Variants in MMP16 observed in about 807,000 individuals in gnomAD.
The protein encoded by MMP16 is matrix metallopeptidase 16, also known as matrix metalloproteinase-16.
Under a neutral mutation model 67.8 loss-of-function variants are expected in MMP16, and 12 were observed. That is an observed-to-expected ratio of 0.18 (90% CI 0.11 to 0.29). The LOEUF (loss-of-function observed/expected upper bound fraction) is 0.29, where lower values mean the gene tolerates loss of function less well. Ranked by LOEUF, MMP16 falls within the 10% of genes least tolerant of loss-of-function variation. The probability of loss-of-function intolerance (pLI) is 1.00; values close to 1 mark genes in which losing one functional copy is unlikely to be tolerated. For missense variants in MMP16, 475 were observed against 765.7 expected, an observed-to-expected ratio of 0.62 and a Z score of 4.48; for synonymous variants, 249 against 255.9, an observed-to-expected ratio of 0.97 and a Z score of 0.26.
chr8:88,044,066 A>G (rs2118192615), intron 9 of MMP16, among the ~76,000 whole-genome samples: 1 of 152,358 alleles, frequency 6.6e-6, no homozygotes, highest in East Asian at 1.9e-4. Flanking sequence ...CTATTTACAT[A>G]CAACACAGTT....
chr8:88,321,495 G>A (rs572518279), intron 1 of MMP16, among the ~76,000 whole-genome samples: 9 of 151,942 alleles, frequency 5.9e-5, no homozygotes, highest in Non-Finnish European at 1.0e-4. Flanking sequence ...TTAAAATTAC[G>A]TATCATTTGC....
chr8:88,053,961 T>G (rs1173463284), intron 8 of MMP16, among the ~76,000 whole-genome samples: 2 of 152,174 alleles, frequency 1.3e-5, no homozygotes, highest in African/African-American at 4.8e-5. Flanking sequence ...GTAAATGATC[T>G]AAAAAACCCT....
intron 8 of MMP16, among the ~76,000 whole-genome samples, chr8:88,053,383 A>G (rs1273814033): frequency 6.6e-6 from 1 of 152,198 alleles, no homozygotes; most frequent in Non-Finnish European, 1.5e-5. Context: ...ACCTTACCGC[A>G]GTACTCATCA....
At chr8:88,083,272 C>T (rs1362702118) in intron 6 of MMP16, among the ~76,000 whole-genome samples, 1 of 151,842 alleles carries the variant, frequency 6.6e-6, no homozygotes, top group Admixed American at 6.6e-5. Flanking sequence ...ATTTTGTTGG[C>T]TCAAAAGACA....
At chr8:88,102,527 A>G (rs12678400) in intron 6 of MMP16, among the ~76,000 whole-genome samples, 12,945 of 151,644 alleles carry the variant, frequency 0.085, 692 homozygotes, top group East Asian at 0.19. Context: ...TTTGGTTTTT[A>G]TGGTGGCTTC....
intron 1 of MMP16, among the ~76,000 whole-genome samples, chr8:88,308,575 A>C (rs550955954): frequency 6.6e-6 from 1 of 152,196 alleles, no homozygotes; most frequent in East Asian, 1.9e-4. Flanking sequence ...ATTACTCAAT[A>C]CATAGTGTTG....
chr8:88,320,044 C>T (rs974127122), intron 1 of MMP16, among the ~76,000 whole-genome samples: 1 of 152,116 alleles, frequency 6.6e-6, no homozygotes, highest in Admixed American at 6.5e-5. Context: ...TTAGCAAGTG[C>T]CTTTGTTATC....
intron 6 of MMP16, among the ~76,000 whole-genome samples, chr8:88,076,880 G>A (rs1808660180): frequency 6.6e-6 from 1 of 152,096 alleles, no homozygotes; most frequent in Non-Finnish European, 1.5e-5. Flanking sequence ...GCTGAAGAAT[G>A]GGAGGAAATC....
chr8:88,046,633 C>A, intron 9 of MMP16, 36 bp downstream of exon 9: 1 of 1,382,946 alleles, frequency 7.2e-7, no homozygotes, highest in Non-Finnish European at 1.0e-6. Flanking sequence ...ACTAAGATAG[C>A]AAACTTATGA....
intron 7 of MMP16, chr8:88,069,359 G>A (rs1326042525): frequency 4.6e-6 from 2 of 432,016 alleles, no homozygotes; most frequent in South Asian, 1.8e-5. Context: ...TTCAATTCCT[G>A]ATTGTTCTTT....
chr8:88,300,785 A>T (rs1811085424), intron 1 of MMP16, among the ~76,000 whole-genome samples: 1 of 152,150 alleles, frequency 6.6e-6, no homozygotes, highest in South Asian at 2.1e-4. Context: ...AAAGAGAGAG[A>T]ATCGGAAAGT....
intron 1 of MMP16, among the ~76,000 whole-genome samples, chr8:88,275,176 A>T (rs1291158543): frequency 6.6e-6 from 1 of 152,024 alleles, no homozygotes; most frequent in Non-Finnish European, 1.5e-5. Context: ...ATCAAATTGC[A>T]GCTTTATCTT....
chr8:88,202,720 TG>T (rs1391578894), intron 1 of MMP16, among the ~76,000 whole-genome samples: 1 of 152,050 alleles, frequency 6.6e-6, no homozygotes, highest in Non-Finnish European at 1.5e-5. Flanking sequence ...TAACAAAGCA[TG>T]TATATGATAC....
intron 4 of MMP16, among the ~76,000 whole-genome samples, chr8:88,139,869 T>G (rs1808182871): frequency 6.6e-6 from 1 of 152,186 alleles, no homozygotes; most frequent in Admixed American, 6.6e-5. Context: ...CTAGGTAATT[T>G]AAGTTCCTAT....
At chr8:88,157,993 A>G (rs774315562) in intron 4 of MMP16, among the ~76,000 whole-genome samples, 3 of 152,146 alleles carry the variant, frequency 2.0e-5, no homozygotes, top group Non-Finnish European at 4.4e-5. Flanking sequence ...CCTACAAAGG[A>G]CATGAACTCA....
intron 4 of MMP16, among the ~76,000 whole-genome samples, chr8:88,164,153 GA>G (rs1051044612): frequency 4.6e-5 from 7 of 152,042 alleles, no homozygotes; most frequent in African/African-American, 7.2e-5. Context: ...ATGTGCTGTG[GA>G]AAATGTGCTG....
At chr8:88,094,392 T>C (rs1808990187) in intron 6 of MMP16, among the ~76,000 whole-genome samples, 1 of 151,742 alleles carries the variant, frequency 6.6e-6, no homozygotes, top group Admixed American at 6.6e-5. Context: ...TAACTAGTGA[T>C]ATTGTTCACT....
At chr8:88,097,445 G>A (rs1474150083) in intron 6 of MMP16, among the ~76,000 whole-genome samples, 1 of 151,302 alleles carries the variant, frequency 6.6e-6, no homozygotes, top group Non-Finnish European at 1.5e-5. Context: ...AGACAACATG[G>A]CAAAACACTG....
intron 1 of MMP16, among the ~76,000 whole-genome samples, chr8:88,269,624 C>G (rs1810533963): frequency 6.6e-6 from 1 of 152,176 alleles, no homozygotes; most frequent in South Asian, 2.1e-4. Flanking sequence ...TTCTTCCATT[C>G]AGCCTGGAAA....
Sources: gnomAD v4.1 joint callset for allele counts (sites outside exome capture counted in the v4.1 genomes callset) on GRCh38, gnomAD v4.1.1 for gene constraint, MANE v1.5 for transcripts, NCBI Gene and HGNC (gene_info 2026-07-23, HGNC 2026-07-21) for gene names.